The following PCDHGB5 variants were observed in gnomAD, a reference collection of about 807,000 sequenced individuals.
The protein encoded by PCDHGB5 is protocadherin gamma-B5.
In PCDHGB5, 48 loss-of-function variants were observed where a neutral mutation model predicts 62.9. The ratio of observed to expected loss-of-function variants is 0.76; its 90% CI spans 0.61 to 0.97. The LOEUF (loss-of-function observed/expected upper bound fraction) is 0.97. PCDHGB5 is among the 50% of genes least tolerant of loss of function. PCDHGB5 has a pLI of 0.00. For synonymous variants in PCDHGB5, 474 were observed against 511.2 expected (o/e 0.93, Z 0.98); for missense variants, 1,118 against 1,198.6 (o/e 0.93, Z 0.99).
intron 1 of PCDHGB5, chr5:141,429,169 T>TACAC (rs10667977): frequency 0.077 from 11,199 of 145,388 alleles, 458 homozygotes; most frequent in African/African-American, 0.081. Flanking sequence ...ACATTGTTTA[T>TACAC]ACACACACAC....
chr5:141,463,142 C>T (rs1229364880), intron 1 of PCDHGB5, among the ~76,000 whole-genome samples: 1 of 152,160 alleles, frequency 6.6e-6, no homozygotes, highest in Non-Finnish European at 1.5e-5. Context: ...CTTCGCCCAG[C>T]TGCAGAAAAG....
intron 1 of PCDHGB5, among the ~76,000 whole-genome samples, chr5:141,444,400 A>G (rs1400847351): frequency 1.3e-5 from 2 of 151,536 alleles, no homozygotes; most frequent in Admixed American, 6.6e-5. Flanking sequence ...TGAACTCCCA[A>G]CCTCAGGTGA....
intron 1 of PCDHGB5, chr5:141,427,298 G>C (rs960474831): frequency 4.4e-6 from 2 of 456,752 alleles, no homozygotes; most frequent in East Asian, 1.4e-4. Context: ...TCCTAGATGA[G>C]AATGACAATG....
At position 141,398,746 on chromosome 5, in the gene PCDHGB5, T is replaced by TAC; in HGVS notation, c.620_621dup (p.His208ThrfsTer4). 1 of 1,613,420 alleles carries TAC rather than the reference T, an allele frequency of 6.2e-7. No individual in the cohort carries two copies. The highest frequency in any genetic ancestry group is 1.1e-5 in the South Asian group (1 of 91,074). On this transcript the variant is annotated frameshift_variant, in exon 1 of 4. Coordinates refer to ENST00000617380, the MANE Select transcript of PCDHGB5 (RefSeq NM_018925.3). LOFTEE classifies it high-confidence loss of function. ...AACCTTAGACCGGGAACAACAGAGT[T>TAC]ACCATCGTTTAGTCCTGACTGCCTT...
intron 1 of PCDHGB5, chr5:141,415,646 A>G: frequency 6.2e-7 from 1 of 1,600,190 alleles, no homozygotes; most frequent in South Asian, 1.1e-5. Context: ...TTTGTTAAAA[A>G]AAAAAAGATT....
chr5:141,404,804 T>A, intron 1 of PCDHGB5: 1 of 1,613,898 alleles, frequency 6.2e-7, no homozygotes, highest in South Asian at 1.1e-5. Context: ...AGGGCTCTTC[T>A]CGGTGGGGCT....
intron 2 of PCDHGB5, among the ~76,000 whole-genome samples, chr5:141,500,194 T>G (rs994324188): frequency 2.1e-4 from 31 of 147,918 alleles, no homozygotes; most frequent in African/African-American, 7.7e-4. Context: ...TTTTATTTAT[T>G]TATTTATTTA....
At chr5:141,423,327 A>G in intron 1 of PCDHGB5, 1 of 1,614,100 alleles carries the variant, frequency 6.2e-7, no homozygotes, top group Non-Finnish European at 8.5e-7. Flanking sequence ...CGGTGGCCGC[A>G]GTCTCCTGCA....
chr5:141,437,377 A>G (rs1021305426), intron 1 of PCDHGB5, among the ~76,000 whole-genome samples: 3 of 152,246 alleles, frequency 2.0e-5, no homozygotes, highest in Non-Finnish European at 2.9e-5. Flanking sequence ...AATCAGTCAG[A>G]AGACATTCAT....
At chr5:141,423,169 C>G (rs747206648) in intron 1 of PCDHGB5, 2 of 1,613,460 alleles carry the variant, frequency 1.2e-6, no homozygotes, top group Admixed American at 3.3e-5. Context: ...GGTGGCCGTC[C>G]AGGACCACGG....
rs57426385 is a variant in PCDHGB5, at chr5:141,415,740, G to GTTTTTTTTTTTT, written c.2397+15237_2397+15248dup. 137 of 625,016 alleles carry GTTTTTTTTTTTT rather than the reference G, an allele frequency of 2.2e-4. 2 individuals carry two copies. The highest frequency in any genetic ancestry group is 3.5e-4 in the Admixed American group (5 of 14,120). The allele number at this position is 625,016 out of a possible 1,614,324, so 38.7% of individuals were successfully genotyped here. On this transcript the variant is annotated intron_variant, in intron 1 of 3. Coordinates refer to ENST00000617380, the MANE Select transcript of PCDHGB5 (RefSeq NM_018925.3). ...TGAGTAGAATTTGATGTTTATTAAG[G>GTTTTTTTTTTTT]TTTTTTTTTTTTTTTTTTTTTTTTT... is the stretch of plus-strand genomic sequence containing the variant.
rs1398817003 is a variant in PCDHGB5, at chr5:141,399,376, AC to A, written c.1251del (p.Ile418SerfsTer15). 6.2e-7 allele frequency: 1 copy of A among 1,613,956 alleles called. No homozygotes were observed. The highest frequency in any genetic ancestry group is 8.5e-7 in the Non-Finnish European group (1 of 1,179,878). ...DREQTPEYNV[T>X]ITATDRGKPP... is the part of the protein sequence containing the mutation. The stretch of plus-strand genomic sequence containing the variant: ...AGAGCAAACCCCGGAGTACAATGTC[AC>A]CATCACAGCCACAGACAGGGGCAAG... On this transcript the variant is annotated frameshift_variant, in exon 1 of 4. Coordinates refer to ENST00000617380, the MANE Select transcript of PCDHGB5 (RefSeq NM_018925.3). LOFTEE classifies it high-confidence loss of function.
At chr5:141,453,871 A>T (rs561367146) in intron 1 of PCDHGB5, among the ~76,000 whole-genome samples, 8 of 152,364 alleles carry the variant, frequency 5.3e-5, no homozygotes, top group African/African-American at 1.9e-4. Flanking sequence ...ACAGATGAGC[A>T]AAATAATGTG....
intron 1 of PCDHGB5, chr5:141,403,123 G>A: frequency 6.2e-7 from 1 of 1,614,066 alleles, no homozygotes; most frequent in Non-Finnish European, 8.5e-7. Context: ...TGGAGCCCCG[G>A]GAGCTGGCGG....
chr5:141,432,172 C>T lies in PCDHGB5; in HGVS notation c.2397+31648C>T, dbSNP rs562175068. ...AGAACAATCCCAGAGGAGTTTCCCT[C>T]GTCTCTGTGACCGCCCACGACCCCG... On this transcript the variant is annotated intron_variant, in intron 1 of 3. Coordinates refer to ENST00000617380, the MANE Select transcript of PCDHGB5 (RefSeq NM_018925.3). This position sits in a 1 kb window ranked among gnomAD's most constrained non-coding sequence, Gnocchi z 6.0. 22 of 1,614,152 alleles carry T rather than the reference C, an allele frequency of 1.4e-5. No individual in the cohort carries two copies. In the Admixed American group the frequency reaches 3.5e-4, roughly 26 times the overall value.
At chr5:141,415,477 C>T in intron 1 of PCDHGB5, 1 of 1,614,184 alleles carries the variant, frequency 6.2e-7, no homozygotes, top group Non-Finnish European at 8.5e-7. Flanking sequence ...CGCGGACTCG[C>T]GAAAGAGTCA....
chr5:141,432,681 G>A lies in PCDHGB5; in HGVS notation c.2397+32157G>A, dbSNP rs147073234. 2.4e-3 allele frequency: 3,845 copies of A among 1,613,930 alleles called. 12 individuals carry two copies. Among genetic ancestry groups the A allele is most frequent in the Admixed American group, 6.0e-3 (358 of 60,016 alleles). On this transcript the variant is annotated intron_variant, in intron 1 of 3. Coordinates refer to ENST00000617380, the MANE Select transcript of PCDHGB5 (RefSeq NM_018925.3). This position sits in a 1 kb window ranked among gnomAD's most constrained non-coding sequence, Gnocchi z 6.0. Reference sequence around the variant, plus strand: ...CTGGACAGAGACGCGCTCAAGCAGAGCCTCGTAGTGGCCGTCCAGGACCAC... The same window carrying A: ...CTGGACAGAGACGCGCTCAAGCAGAACCTCGTAGTGGCCGTCCAGGACCAC...
At position 141,485,221 on chromosome 5, in the gene PCDHGB5, C is replaced by A; in HGVS notation, c.2398-9586C>A. 4 of 1,614,118 alleles carry A rather than the reference C, an allele frequency of 2.5e-6. No individual in the cohort carries two copies. The highest frequency in any genetic ancestry group is 2.2e-5 in the East Asian group (1 of 44,868). ...GGACAGAAATCTGGCGGTGGGCTAC[C>A]CTTTTGTTCCTCTTTTACCACCTGG... On this transcript the variant is annotated intron_variant, in intron 1 of 3. Coordinates refer to ENST00000617380, the MANE Select transcript of PCDHGB5 (RefSeq NM_018925.3). The surrounding 1 kb of genome is among the most constrained non-coding windows in gnomAD (Gnocchi z 5.7).
Position 141,399,751 on chromosome 5 carries a change from G to T in PCDHGB5, c.1624G>T (p.Val542Leu), listed in dbSNP as rs564705346. 2 of 1,613,322 alleles carry T rather than the reference G, an allele frequency of 1.2e-6. No individual in the cohort carries two copies. Among genetic ancestry groups the T allele is most frequent in the Non-Finnish European group, 1.7e-6 (2 of 1,179,818 alleles). ...DQGSPALSAN[V>L]SLRVLVGDRN... is the part of the protein sequence containing the mutation. ...GGGCTCGCCTGCGCTCAGCGCAAAC[G>T]TGAGCCTGCGCGTGTTGGTGGGCGA... The change falls in exon 1 of 4, where the codon GTG (valine) becomes TTG (leucine). Residue 542 changes from valine (V) to leucine (L), a missense_variant. By Grantham distance (32) the Val-to-Leu change is conservative. Coordinates refer to ENST00000617380, the MANE Select transcript of PCDHGB5 (RefSeq NM_018925.3).
Sources: allele counts gnomAD v4.1 joint callset (sites outside exome capture counted in the v4.1 genomes callset), GRCh38; gene constraint gnomAD v4.1.1; non-coding constraint Gnocchi (gnomAD v3.1); transcripts MANE v1.5; gene names NCBI Gene and HGNC (gene_info 2026-07-23, HGNC 2026-07-21).